CUL4A: variants seen among roughly 807,000 people sequenced by gnomAD.
The protein encoded by CUL4A is cullin-4A.
In CUL4A, 16 loss-of-function variants were observed where a neutral mutation model predicts 95.5. That is an observed-to-expected ratio of 0.17 (90% confidence interval 0.11 to 0.25). The LOEUF (loss-of-function observed/expected upper bound fraction) is 0.25. Ranked by LOEUF, CUL4A falls within the 10% of genes least tolerant of loss-of-function variation. CUL4A has a pLI of 1.00. For synonymous variants in CUL4A, 380 were observed against 353.1 expected, an observed-to-expected ratio of 1.08 and a Z score of -0.85; for missense variants, 610 against 937.0, an observed-to-expected ratio of 0.65 and a Z score of 4.56.
At chr13:113,208,826 C>T, upstream of CUL4A, 1 of 1,409,054 alleles carries the variant, frequency 7.1e-7, no homozygotes, top group South Asian at 1.5e-5. Flanking sequence ...GGTCTTTCTG[C>T]CGGGGCCCCG....
intron 15 of CUL4A, among the ~76,000 whole-genome samples, chr13:113,246,340 C>T (rs527249513): frequency 6.6e-6 from 1 of 152,310 alleles, no homozygotes; most frequent in South Asian, 2.1e-4. Context: ...TATTAAGCTG[C>T]GGTTCTTGTC....
At chr13:113,252,214 A>G (rs2042012494) in intron 15 of CUL4A, among the ~76,000 whole-genome samples, 2 of 152,176 alleles carry the variant, frequency 1.3e-5, no homozygotes, top group Admixed American at 1.3e-4. Flanking sequence ...TGCAGCAACC[A>G]CAATTTTAAG....
chr13:113,214,065 A>C (rs549763948), intron 2 of CUL4A, among the ~76,000 whole-genome samples: 1 of 152,360 alleles, frequency 6.6e-6, no homozygotes, highest in Non-Finnish European at 1.5e-5. Flanking sequence ...GGTGGTGTAT[A>C]CTTTGCCAAA....
At chr13:113,208,589 T>C (rs532925648), upstream of CUL4A, 131 of 1,606,144 alleles carry the variant, frequency 8.2e-5, no homozygotes, top group East Asian at 3.0e-3. Flanking sequence ...GCTCCCCGGC[T>C]AGGACCCACC....
upstream of CUL4A, chr13:113,208,978 C>T (rs990637774): frequency 9.2e-7 from 1 of 1,082,624 alleles, no homozygotes; most frequent in East Asian, 5.9e-5. Context: ...CTTGTGAAAA[C>T]CAGGCCGCGG....
intron 18 of CUL4A, among the ~76,000 whole-genome samples, chr13:113,256,375 C>G (rs1429857332): frequency 6.6e-6 from 1 of 152,168 alleles, no homozygotes; most frequent in African/African-American, 2.4e-5. Flanking sequence ...GTTCAACACC[C>G]TGGCACAGAC....
intron 3 of CUL4A, among the ~76,000 whole-genome samples, chr13:113,227,013 C>T (rs1387366752): frequency 6.6e-6 from 1 of 152,062 alleles, no homozygotes; most frequent in Non-Finnish European, 1.5e-5. Context: ...TGTGTTTCTG[C>T]CGGCAGGGAC....
intron 2 of CUL4A, among the ~76,000 whole-genome samples, chr13:113,218,118 A>G (rs1474274067): frequency 2.6e-5 from 4 of 152,098 alleles, no homozygotes; most frequent in Admixed American, 2.0e-4. Flanking sequence ...GGTGCCTATA[A>G]TCCCAGCTAC....
intron 5 of CUL4A, among the ~76,000 whole-genome samples, chr13:113,232,883 G>A (rs575873585): frequency 1.7e-4 from 26 of 152,226 alleles, no homozygotes; most frequent in South Asian, 8.3e-4. Flanking sequence ...GGAAGGTGGC[G>A]AGGACCCCGG....
At chr13:113,227,036 G>A (rs1198781085) in intron 3 of CUL4A, among the ~76,000 whole-genome samples, 3 of 152,166 alleles carry the variant, frequency 2.0e-5, no homozygotes, top group African/African-American at 7.2e-5. Context: ...GAAGGTGTCT[G>A]GCAGTGAAGG....
intron 7 of CUL4A, 120 bp from the exon 8 acceptor site, chr13:113,234,943 G>T (rs1022566211): frequency 1.5e-6 from 1 of 674,856 alleles, no homozygotes; most frequent in Non-Finnish European, 2.6e-6. Context: ...GTTAATATTT[G>T]GCTTGAATAT....
At chr13:113,254,624 A>C in intron 16 of CUL4A, 69 bp from the exon 17 acceptor site, 1 of 1,115,972 alleles carries the variant, frequency 9.0e-7, no homozygotes, top group East Asian at 2.6e-5. Context: ...AGCAAAAAGA[A>C]GCTTCTTTTA....
Position 113,266,569 on chromosome 13 carries a change from G to T in CUL4A, c.*2987G>T, listed in dbSNP as rs2042398967. 1 of 152,168 alleles carries T rather than the reference G, an allele frequency of 6.6e-6. No individual in the cohort carries two copies. The highest frequency in any genetic ancestry group is 1.5e-5 in the Non-Finnish European group (1 of 68,016). 9.4% of individuals were successfully genotyped at this position (152,168 alleles called of 1,614,324 possible). ...GACTAGTCAAATTGTTTTAAATTCT[G>T]CTGTTTTTAGAACATTGTAATTGAA... is the stretch of plus-strand genomic sequence containing the variant. On this transcript the variant is annotated 3_prime_UTR_variant, in exon 20 of 20. Coordinates refer to ENST00000375440, the MANE Select transcript of CUL4A (RefSeq NM_001008895.4).
chr13:113,232,660 C>T (rs1240246228), intron 5 of CUL4A, among the ~76,000 whole-genome samples: 1 of 152,192 alleles, frequency 6.6e-6, no homozygotes, highest in Admixed American at 6.5e-5. Context: ...ACTCTGAAAG[C>T]TGTGCATCAC....
At chr13:113,214,264 G>T (rs1355597194) in intron 2 of CUL4A, among the ~76,000 whole-genome samples, 1 of 152,172 alleles carries the variant, frequency 6.6e-6, no homozygotes, top group South Asian at 2.1e-4. Flanking sequence ...CTCCTGTAGT[G>T]TGTAGAGGAG....
chr13:113,263,366 A>G lies in CUL4A; in HGVS notation c.2185-121A>G, dbSNP rs1229437937. ...AATTATAAATGATTTTCATATAAATATCTATTTGTATATATATTTCTATAA... is the reference window on the plus strand; with the variant it reads ...AATTATAAATGATTTTCATATAAATGTCTATTTGTATATATATTTCTATAA... On this transcript the variant is annotated intron_variant, in intron 19 of 19. Transcript: ENST00000375440. The G allele has an allele frequency of 1.8e-4, 70 of 396,642 alleles. No individual in the cohort carries two copies. The East Asian group carries it at 2.5e-3, about 14-fold the overall frequency. 24.6% of individuals were successfully genotyped at this position (396,642 alleles called of 1,614,324 possible). A position where few individuals can be genotyped will look rare whatever the true frequency, so the allele number is the denominator to read the frequency against.
intron 3 of CUL4A, among the ~76,000 whole-genome samples, chr13:113,224,457 A>C (rs1417147690): frequency 2.6e-5 from 4 of 152,224 alleles, no homozygotes; most frequent in Non-Finnish European, 5.9e-5. Flanking sequence ...ACAGCATTGC[A>C]GCTCTGGTCA....
Position 113,211,298 on chromosome 13 carries a change from A to G in CUL4A, c.264+1210A>G, listed in dbSNP as rs1391310268. On this transcript the variant is annotated intron_variant, in intron 2 of 19. Coordinates refer to ENST00000375440, the MANE Select transcript of CUL4A (RefSeq NM_001008895.4). ...TCATGCACAACGCAGTGTGATTGTAATTTATTACCTAGTAGAATGGGTATA... is the reference window on the plus strand; with the variant it reads ...TCATGCACAACGCAGTGTGATTGTAGTTTATTACCTAGTAGAATGGGTATA... Among the ~76,000 whole-genome samples, 4 of 152,376 alleles carry G rather than the reference A, an allele frequency of 2.6e-5. 1 individual carries two copies. Among genetic ancestry groups the G allele is most frequent in the Admixed American group, 1.3e-4 (2 of 15,308 alleles).
intron 18 of CUL4A, among the ~76,000 whole-genome samples, chr13:113,256,158 A>G (rs1566371727): frequency 6.6e-6 from 1 of 152,086 alleles, no homozygotes; most frequent in Non-Finnish European, 1.5e-5. Flanking sequence ...CCCAAACTCT[A>G]CAAAAGAAAA....
Sources: gnomAD v4.1 joint callset for allele counts (sites outside exome capture counted in the v4.1 genomes callset) on GRCh38, gnomAD v4.1.1 for gene constraint, MANE v1.5 for transcripts, NCBI Gene and HGNC (gene_info 2026-07-23, HGNC 2026-07-21) for gene names.